AKNAD1: variants seen among roughly 807,000 people sequenced by gnomAD.
The protein encoded by AKNAD1 is AKNA domain containing 1, also known as protein AKNAD1.
Under a neutral mutation model 90.8 loss-of-function variants are expected in AKNAD1, and 67 were observed. That is an observed-to-expected ratio of 0.74 (90% CI 0.61 to 0.90). The LOEUF (loss-of-function observed/expected upper bound fraction) is 0.90, where lower values mean the gene tolerates loss of function less well. Ranked by LOEUF, AKNAD1 falls within the 40% of genes least tolerant of loss-of-function variation. The probability of loss-of-function intolerance (pLI) is 0.00; values close to 1 mark genes in which losing one functional copy is unlikely to be tolerated. For missense variants in AKNAD1, 957 were observed against 975.4 expected (o/e 0.98, Z 0.25); for synonymous variants, 327 against 341.4 (o/e 0.96, Z 0.46).
chr1:108,835,685 C>T (rs974677429), intron 7 of AKNAD1, among the ~76,000 whole-genome samples: 8 of 150,020 alleles, frequency 5.3e-5, no homozygotes, highest in Non-Finnish European at 8.9e-5. Flanking sequence ...AGTGCAATGG[C>T]GCAATCTCGG....
At chr1:108,855,490 T>TAA (rs71069608) in intron 1 of AKNAD1, among the ~76,000 whole-genome samples, 20,247 of 138,352 alleles carry the variant, frequency 0.15, 1,408 homozygotes, top group Middle Eastern at 0.18. Context: ...TATTTGAAGG[T>TAA]AAAAAAAAAA....
In AKNAD1 at chr1:108,851,776, T is replaced by C; in HGVS notation, c.889A>G (p.Thr297Ala). The change falls in exon 2 of 16, where the codon ACT becomes GCT. Residue 297 changes from threonine (T) to alanine (A), a missense_variant. Transcript: ENST00000370001. ...GTTTCTAGACTATCTTGCACAAGAG[T>C]GGGTTTATCTCTCGACTTGGAAGAA... ...SFSSKSRDKPTLVQDSLETTP... is the reference protein window; with the variant it reads ...SFSSKSRDKPALVQDSLETTP... The C allele has an allele frequency of 6.2e-7, 1 of 1,613,980 alleles. No homozygotes were observed. Among genetic ancestry groups the C allele is most frequent in the Non-Finnish European group, 8.5e-7 (1 of 1,179,940 alleles).
Position 108,848,930 on chromosome 1 carries a change from A to G in AKNAD1, c.1164T>C (p.Thr388=). 5 of 1,605,116 alleles carry G rather than the reference A, an allele frequency of 3.1e-6. No homozygotes were observed. Among genetic ancestry groups the G allele is most frequent in the Non-Finnish European group, 4.2e-6 (5 of 1,177,500 alleles). ...KQMCQKLKEQ[T]DQLKTKVQEF... ...GTATTACTTTAGTCTTCAGTTGATC[A>G]GTCTGTTCTTTCAACTTCTGACACA... The change falls in exon 4 of 16, where the codon ACT becomes ACC. Residue 388 remains threonine, a synonymous_variant. Coordinates refer to ENST00000370001, the MANE Select transcript of AKNAD1 (RefSeq NM_152763.5).
At chr1:108,840,928 T>C (rs1278056478) in intron 6 of AKNAD1, among the ~76,000 whole-genome samples, 1 of 152,170 alleles carries the variant, frequency 6.6e-6, no homozygotes, top group African/African-American at 2.4e-5. Context: ...CCCAGCACTT[T>C]GGGAGGCCAA....
At chr1:108,830,884 A>T (rs1034942034) in intron 9 of AKNAD1, 4 of 586,906 alleles carry the variant, frequency 6.8e-6, no homozygotes, top group Non-Finnish European at 1.2e-5. Context: ...TGCGCCTCTA[A>T]TGGCCTGGGC....
Position 108,852,562 on chromosome 1 carries a change from T to C in AKNAD1, c.103A>G (p.Thr35Ala), listed in dbSNP as rs144412282. The change falls in exon 2 of 16, where the codon ACC (threonine) becomes GCC (alanine). Residue 35 changes from threonine (T) to alanine (A), a missense_variant. By Grantham distance (58) the Thr-to-Ala change is moderately conservative (BLOSUM62 0). Transcript: ENST00000370001. ...ACTTCAAGGCCATCCTTTTTTGAGG[T>C]AAAACTGTAATCATTGCCTATCTTA... is the stretch of plus-strand genomic sequence containing the variant. The part of the protein sequence containing the change: ...QIKIGNDYSF[T>A]SKKDGLEVLN... The C allele has an allele frequency of 1.9e-6, 3 of 1,613,900 alleles. No homozygotes were observed. The African/African-American group carries it at 4.0e-5, about 22-fold the overall frequency.
At chr1:108,820,862 G>A (rs976997466) in intron 13 of AKNAD1, among the ~76,000 whole-genome samples, 3 of 151,940 alleles carry the variant, frequency 2.0e-5, no homozygotes, top group South Asian at 2.1e-4. Flanking sequence ...AGGAGTTTGC[G>A]ACCAGTCTTC....
At chr1:108,848,604 T>C in intron 5 of AKNAD1, 148 bp downstream of exon 5, 1 of 689,906 alleles carries the variant, frequency 1.4e-6, no homozygotes, top group Non-Finnish European at 2.4e-6. Flanking sequence ...TAAGCTCTTT[T>C]AGCCCCCATA....
rs556476608 is a variant in AKNAD1 at position 108,842,778 on chromosome 1, C to G, written c.1379+356G>C. Reference sequence around the variant, plus strand: ...GGAGAGGAGGAACTTGAGAAGAGGGCCCTCTGTGGTTATCATGTGAGCCTT... The same window carrying G: ...GGAGAGGAGGAACTTGAGAAGAGGGGCCTCTGTGGTTATCATGTGAGCCTT... On this transcript the variant is annotated intron_variant, in intron 6 of 15. Coordinates refer to ENST00000370001, the MANE Select transcript of AKNAD1 (RefSeq NM_152763.5). 2.0e-5 allele frequency among the ~76,000 whole-genome samples: 3 copies of G among 152,150 alleles called. No homozygotes were observed. In the East Asian group the frequency reaches 5.8e-4, roughly 29 times the overall value.
intron 15 of AKNAD1, 70 bp from the exon 16 acceptor site, chr1:108,816,372 A>G: frequency 6.8e-7 from 1 of 1,474,434 alleles, no homozygotes; most frequent in Non-Finnish European, 9.2e-7. Flanking sequence ...GGGTTCTCTC[A>G]TTATTAAACA....
intron 13 of AKNAD1, chr1:108,823,121 G>T: frequency 2.8e-6 from 2 of 704,528 alleles, no homozygotes; most frequent in Non-Finnish European, 5.3e-6. Context: ...ACTTGCACTG[G>T]TGTAGCCCTT....
At chr1:108,857,312 T>C (rs12736534), upstream of AKNAD1, 13,820 of 152,910 alleles carry the variant, frequency 0.09, 710 homozygotes, top group Non-Finnish European at 0.1. Context: ...TTTACTTTAT[T>C]ATGAAGTCTA....
At position 108,851,768 on chromosome 1, in the gene AKNAD1, C is replaced by A; in HGVS notation, c.897G>T (p.Val299=). The A allele has an allele frequency of 6.2e-7, 1 of 1,614,112 alleles. No individual in the cohort carries two copies. Residue 299 remains valine, a synonymous_variant, in exon 2 of 16, where the codon GTG becomes GTT. Transcript: ENST00000370001. ...CAGGCGTGGTTTCTAGACTATCTTGCACAAGAGTGGGTTTATCTCTCGACT... is the reference window on the plus strand; with the variant it reads ...CAGGCGTGGTTTCTAGACTATCTTGAACAAGAGTGGGTTTATCTCTCGACT... ...SSKSRDKPTL[V]QDSLETTPES... is the part of the protein sequence containing the mutation.
At chr1:108,843,465 A>T (rs1001868199) in intron 5 of AKNAD1, among the ~76,000 whole-genome samples, 198 bp from the exon 6 acceptor site, 1 of 151,960 alleles carries the variant, frequency 6.6e-6, no homozygotes, top group Non-Finnish European at 1.5e-5. Context: ...ACATTCACAA[A>T]CCCTCACAGC....
intron 6 of AKNAD1, among the ~76,000 whole-genome samples, chr1:108,839,382 A>T (rs775477861): frequency 2.7e-5 from 4 of 150,674 alleles, no homozygotes; most frequent in Non-Finnish European, 5.9e-5. Context: ...CTGAGGCAGG[A>T]GAATGGCGTG....
intron 14 of AKNAD1, among the ~76,000 whole-genome samples, chr1:108,820,105 T>G (rs1663765835): frequency 1.3e-5 from 2 of 152,200 alleles, no homozygotes; most frequent in South Asian, 4.1e-4. Flanking sequence ...ATTCCTGAAC[T>G]TGCCAAGTGC....
intron 15 of AKNAD1, 51 bp from the exon 16 acceptor site, chr1:108,816,353 C>CTGTTTA (rs1663599174): frequency 6.4e-7 from 1 of 1,558,498 alleles, no homozygotes; most frequent in Admixed American, 1.9e-5. Context: ...ACTGCTGTTT[C>CTGTTTA]TGTTCTTTGG....
At chr1:108,853,281 G>A (rs1031444591) in intron 1 of AKNAD1, among the ~76,000 whole-genome samples, 20 of 151,820 alleles carry the variant, frequency 1.3e-4, no homozygotes, top group Admixed American at 2.0e-4. Flanking sequence ...ACAGGTGCCC[G>A]CCACCACGCC....
intron 6 of AKNAD1, among the ~76,000 whole-genome samples, chr1:108,838,230 C>A (rs1664440723): frequency 6.6e-6 from 1 of 151,940 alleles, no homozygotes; most frequent in Non-Finnish European, 1.5e-5. Context: ...TCGTAACAGT[C>A]CACAAAGGAA....
Sources: gnomAD v4.1 joint callset for allele counts (sites outside exome capture counted in the v4.1 genomes callset) on GRCh38, gnomAD v4.1.1 for gene constraint, MANE v1.5 for transcripts, NCBI Gene and HGNC (gene_info 2026-07-23, HGNC 2026-07-21) for gene names.